IL34: variants seen among roughly 807,000 people sequenced by gnomAD.
IL34 encodes the protein interleukin-34.
A neutral mutation model predicts 25.3 loss-of-function variants in IL34; 17 were observed. The observed-to-expected ratio is 0.67, with a 90% CI of 0.46 to 1.01. IL34 has a LOEUF of 1.01. Ranked by LOEUF, IL34 falls within the 50% of genes least tolerant of loss-of-function variation. IL34 has a pLI of 0.00. For missense variants in IL34, 368 were observed against 312.9 expected (o/e 1.18, Z -1.33); for synonymous variants, 174 against 140.9 (o/e 1.23, Z -1.66).
chr16:70,627,287 A>G (rs965409151), intron 1 of IL34, among the ~76,000 whole-genome samples: 1 of 152,164 alleles, frequency 6.6e-6, no homozygotes, highest in African/African-American at 2.4e-5. Flanking sequence ...CATATAGCAA[A>G]GTAAATAAAT....
At chr16:70,647,336 G>T (rs1373244805) in intron 1 of IL34, among the ~76,000 whole-genome samples, 2 of 152,210 alleles carry the variant, frequency 1.3e-5, no homozygotes, top group Non-Finnish European at 2.9e-5. Context: ...CCGGTGGAGG[G>T]GGGCAGGGGC....
At chr16:70,631,338 C>T (rs8057671) in intron 1 of IL34, among the ~76,000 whole-genome samples, 2,499 of 152,202 alleles carry the variant, frequency 0.016, 73 homozygotes, top group African/African-American at 0.058. Flanking sequence ...TGATTCTCTT[C>T]GAGAAACCCA....
At chr16:70,618,557 G>A (rs568211054) in intron 1 of IL34, among the ~76,000 whole-genome samples, 29 of 152,234 alleles carry the variant, frequency 1.9e-4, no homozygotes, top group African/African-American at 4.6e-4. Context: ...TTAATGCAGC[G>A]GCAGCCGCTG....
At chr16:70,644,268 T>C (rs1188353382), upstream of IL34, among the ~76,000 whole-genome samples, 1 of 152,200 alleles carries the variant, frequency 6.6e-6, no homozygotes, top group Non-Finnish European at 1.5e-5. Context: ...GAAGTTGTTT[T>C]TTCCCCTTCT....
At chr16:70,599,297 TTTC>T (rs1408959043) in intron 1 of IL34, among the ~76,000 whole-genome samples, 3 of 137,722 alleles carry the variant, frequency 2.2e-5, no homozygotes, top group Non-Finnish European at 4.5e-5. Context: ...TTCTTTCTTC[TTTC>T]TTTCCTTCTT....
At chr16:70,659,179 G>T (rs1019029832) in intron 4 of IL34, among the ~76,000 whole-genome samples, 1 of 152,136 alleles carries the variant, frequency 6.6e-6, no homozygotes, top group Non-Finnish European at 1.5e-5. Flanking sequence ...CTTGAAGCTG[G>T]ACACCCTGCC....
chr16:70,613,389 G>A (rs750923446), intron 1 of IL34, among the ~76,000 whole-genome samples: 2 of 152,162 alleles, frequency 1.3e-5, no homozygotes, highest in Non-Finnish European at 2.9e-5. Context: ...CTGAGGCATG[G>A]CGGCCACACT....
intron 1 of IL34, among the ~76,000 whole-genome samples, chr16:70,620,178 G>A (rs2151836234): frequency 6.6e-6 from 1 of 152,290 alleles, no homozygotes; most frequent in African/African-American, 2.4e-5. Flanking sequence ...AATGTATTTT[G>A]AGAATAAGAT....
chr16:70,653,972 G>A (rs1182507267), intron 1 of IL34: 1 of 152,236 alleles, frequency 6.6e-6, no homozygotes, highest in African/African-American at 2.4e-5. Context: ...TATGAGATCT[G>A]CTTAACGTCC....
chr16:70,660,369 G>C lies in IL34; in HGVS notation c.*182G>C, dbSNP rs2151890302. 1 of 574,066 alleles carries C rather than the reference G, an allele frequency of 1.7e-6. No individual in the cohort carries two copies. The highest frequency in any genetic ancestry group is 1.9e-5 in the African/African-American group (1 of 52,832). 35.6% of individuals were successfully genotyped at this position (574,066 alleles called of 1,614,324 possible). A position where few individuals can be genotyped will look rare whatever the true frequency, so the allele number is the denominator to read the frequency against. ...AGGGCTCAGCTTCCTGCCTTCCATA[G>C]CTGTCATGGCCTCACCTGGAGCGGA... On this transcript the variant is annotated 3_prime_UTR_variant, in exon 6 of 6. Transcript: ENST00000288098.
chr16:70,613,876 G>GA lies in IL34; in HGVS notation c.-400-32661dup, dbSNP rs796663213. On this transcript the variant is annotated intron_variant, in intron 1 of 6. Transcript: ENST00000429149. ...GTGACAGAGTGAGACTCTGTCTCAGGAAAAAAAAAAAGAAAGAAATGCAGA... is the reference window on the plus strand; with the variant it reads ...GTGACAGAGTGAGACTCTGTCTCAGGAAAAAAAAAAAAGAAAGAAATGCAGA... Among the ~76,000 whole-genome samples the GA allele has an allele frequency of 1.9e-3, 242 of 128,304 alleles. 2 individuals are homozygous for GA. The highest frequency in any genetic ancestry group is 0.012 in the Middle Eastern group (2 of 166). 84.2% of individuals were successfully genotyped at this position (128,304 alleles called of 152,430 possible). A position where few individuals can be genotyped will look rare whatever the true frequency, so the allele number is the denominator to read the frequency against.
intron 1 of IL34, among the ~76,000 whole-genome samples, chr16:70,583,194 A>G (rs61191728): frequency 0.12 from 18,319 of 151,506 alleles, 2,737 homozygotes; most frequent in African/African-American, 0.34. Context: ...CTCACTGCAA[A>G]CTCTGCCTCC....
At chr16:70,653,551 T>G (rs35106114) in intron 1 of IL34, among the ~76,000 whole-genome samples, 22,387 of 151,678 alleles carry the variant, frequency 0.15, 1,920 homozygotes, top group African/African-American at 0.24. Flanking sequence ...ATACAAAAAT[T>G]AGCAGGCGTA....
chr16:70,615,150 T>C (rs1361792391), intron 1 of IL34, among the ~76,000 whole-genome samples: 5 of 152,206 alleles, frequency 3.3e-5, no homozygotes, highest in Admixed American at 3.3e-4. Flanking sequence ...TTGCAACTTA[T>C]TTTACTACCC....
At chr16:70,638,021 A>G (rs2051695541) in intron 1 of IL34, among the ~76,000 whole-genome samples, 1 of 152,096 alleles carries the variant, frequency 6.6e-6, no homozygotes, top group African/African-American at 2.4e-5. Context: ...CCAGGCATTC[A>G]GCTTTGTTGT....
chr16:70,640,483 G>C (rs1185468217), intron 1 of IL34, among the ~76,000 whole-genome samples: 2 of 151,982 alleles, frequency 1.3e-5, no homozygotes, highest in Non-Finnish European at 1.5e-5. Context: ...AGTTAGCCGG[G>C]TGTGGTGGTG....
intron 1 of IL34, among the ~76,000 whole-genome samples, chr16:70,653,621 C>A (rs2052137034): frequency 6.6e-6 from 1 of 152,054 alleles, no homozygotes; most frequent in Non-Finnish European, 1.5e-5. Flanking sequence ...TCGCTTGAGT[C>A]TGGGAGTTCT....
At position 70,646,806 on chromosome 16, in the gene IL34, C is replaced by A; in HGVS notation, c.-142C>A. The A allele has an allele frequency of 1.3e-6, 1 of 755,610 alleles. No homozygotes were observed. The highest frequency in any genetic ancestry group is 2.0e-6 in the Non-Finnish European group (1 of 497,524). 46.8% of individuals were successfully genotyped at this position (755,610 alleles called of 1,614,324 possible). On this transcript the variant is annotated 5_prime_UTR_variant, in exon 1 of 6. Coordinates refer to ENST00000288098, the MANE Select transcript of IL34 (RefSeq NM_001393494.1). ...TGGGGCACCTGCTCACTCCCGCAGC[C>A]CAGCCACTCCTCCAGGGCCAGCCCT...
intron 1 of IL34, among the ~76,000 whole-genome samples, chr16:70,580,811 G>C (rs1198528241): frequency 1.3e-5 from 2 of 151,536 alleles, no homozygotes; most frequent in Non-Finnish European, 2.9e-5. Flanking sequence ...TTGATTTTAA[G>C]TTCTTTAAAG....
Sources: allele counts gnomAD v4.1 joint callset (sites outside exome capture counted in the v4.1 genomes callset), GRCh38; gene constraint gnomAD v4.1.1; transcripts MANE v1.5; gene names NCBI Gene and HGNC (gene_info 2026-07-23, HGNC 2026-07-21).